SENP5: variants seen among roughly 807,000 people sequenced by gnomAD.
SENP5 encodes the protein sentrin-specific protease 5.
SENP5 carries 21 observed loss-of-function variants against 74.2 expected under a neutral mutation model. That is an observed-to-expected ratio of 0.28 (90% CI 0.20 to 0.41). The LOEUF (loss-of-function observed/expected upper bound fraction) is 0.41, where lower values mean the gene tolerates loss of function less well. Among genes scored for constraint, SENP5 ranks in the 10% least tolerant of loss-of-function variants. The probability of loss-of-function intolerance (pLI) is 1.00; values close to 1 mark genes in which losing one functional copy is unlikely to be tolerated. For synonymous variants in SENP5, 311 were observed against 312.7 expected (o/e 0.99, Z 0.06); for missense variants, 717 against 889.1 (o/e 0.81, Z 2.46).
chr3:196,923,605 A>G (rs1715706031), intron 7 of SENP5, 54 bp downstream of exon 7: 2 of 1,236,976 alleles, frequency 1.6e-6, no homozygotes, highest in Non-Finnish European at 2.3e-6. Flanking sequence ...GCCAAATAGC[A>G]TCTTAGCTCT....
At chr3:196,884,585 C>T (rs1273810162) in intron 1 of SENP5, among the ~76,000 whole-genome samples, 6 of 151,668 alleles carry the variant, frequency 4.0e-5, no homozygotes, top group Admixed American at 3.9e-4. Flanking sequence ...TATAAGTTTT[C>T]TCTGGGGAAA....
At chr3:196,893,173 C>G (rs1714285784) in intron 2 of SENP5, among the ~76,000 whole-genome samples, 2 of 152,210 alleles carry the variant, frequency 1.3e-5, no homozygotes, top group South Asian at 4.1e-4. Context: ...CAGGGTTCCC[C>G]TTTCTCCACA....
chr3:196,929,933 G>A (rs541459393), intron 9 of SENP5, among the ~76,000 whole-genome samples: 2 of 150,644 alleles, frequency 1.3e-5, no homozygotes, highest in Admixed American at 6.6e-5. Flanking sequence ...TTATTAGTAA[G>A]CCACATTGGA....
chr3:196,914,197 G>C (rs116387609), intron 6 of SENP5: 218 of 152,202 alleles, frequency 1.4e-3, no homozygotes, highest in African/African-American at 4.9e-3. Context: ...TATGGTCTTT[G>C]ATTTATCTAC....
chr3:196,921,065 C>T (rs1482145901), intron 6 of SENP5, among the ~76,000 whole-genome samples: 1 of 152,116 alleles, frequency 6.6e-6, no homozygotes, highest in East Asian at 1.9e-4. Flanking sequence ...TTAAATATCC[C>T]TTATTCAAAA....
intron 6 of SENP5, among the ~76,000 whole-genome samples, chr3:196,916,826 CAT>C (rs1715397098): frequency 1.3e-5 from 2 of 151,252 alleles, no homozygotes. Context: ...CTGAGATTGA[CAT>C]ATTTTTTTAA....
At chr3:196,913,821 T>C (rs186286197) in intron 6 of SENP5, 8 of 151,900 alleles carry the variant, frequency 5.3e-5, no homozygotes, top group Admixed American at 5.2e-4. Flanking sequence ...GGCTAATTTT[T>C]GTATTTTTAG....
chr3:196,876,485 T>C (rs1713473609), intron 1 of SENP5, among the ~76,000 whole-genome samples: 1 of 142,224 alleles, frequency 7.0e-6, no homozygotes, highest in Admixed American at 7.4e-5. Flanking sequence ...GCCACTGCAC[T>C]CCAGCCTGGG....
intron 1 of SENP5, among the ~76,000 whole-genome samples, chr3:196,876,154 A>G (rs1050047630): frequency 6.6e-6 from 1 of 152,212 alleles, no homozygotes; most frequent in Non-Finnish European, 1.5e-5. Flanking sequence ...GAGGTTCCCA[A>G]ACTTTCTCTG....
rs1577854525 is a variant in SENP5 at position 196,931,699 on chromosome 3, G to A, written c.*776G>A. ...GATATTGAATTCCCTGAATTTTTCT[G>A]TTTTCGACCTGTTAAAAAAATCTTA... On this transcript the variant is annotated 3_prime_UTR_variant, in exon 10 of 10. Coordinates refer to ENST00000323460, the MANE Select transcript of SENP5 (RefSeq NM_152699.5). The A allele has an allele frequency of 1.1e-5, 3 of 278,116 alleles. No individual in the cohort carries two copies. Among genetic ancestry groups the A allele is most frequent in the Non-Finnish European group, 2.1e-5 (3 of 140,926 alleles). 17.2% of individuals were successfully genotyped at this position (278,116 alleles called of 1,614,324 possible).
chr3:196,914,751 A>G (rs2108853248), intron 6 of SENP5, among the ~76,000 whole-genome samples: 1 of 151,658 alleles, frequency 6.6e-6, no homozygotes, highest in East Asian at 1.9e-4. Context: ...ACAACTATCC[A>G]TGCAACAAAA....
intron 2 of SENP5, among the ~76,000 whole-genome samples, chr3:196,891,879 C>T (rs1714217126): frequency 6.6e-6 from 1 of 151,570 alleles, no homozygotes; most frequent in Non-Finnish European, 1.5e-5. Context: ...CAACCTCTGC[C>T]TTCTGGGTTC....
At chr3:196,925,571 G>C (rs1560161881) in intron 7 of SENP5, among the ~76,000 whole-genome samples, 2 of 152,220 alleles carry the variant, frequency 1.3e-5, no homozygotes, top group Non-Finnish European at 2.9e-5. Context: ...TTTCAAGTAG[G>C]AACTATTTAC....
intron 6 of SENP5, among the ~76,000 whole-genome samples, chr3:196,907,621 CTAAAT>C (rs1714957337): frequency 6.6e-6 from 1 of 151,858 alleles, no homozygotes; most frequent in Non-Finnish European, 1.5e-5. Context: ...AAATAATAAA[CTAAAT>C]TATTCCTTCC....
At chr3:196,913,608 C>A in intron 6 of SENP5, among the ~76,000 whole-genome samples, 1 of 144,544 alleles carries the variant, frequency 6.9e-6, no homozygotes. Flanking sequence ...ACCCTGAACT[C>A]AGTAGAAGAC....
intron 6 of SENP5, among the ~76,000 whole-genome samples, chr3:196,910,819 A>T (rs527417074): frequency 6.6e-5 from 10 of 152,296 alleles, no homozygotes; most frequent in African/African-American, 2.2e-4. Context: ...CTAACTTCAA[A>T]CTATACTACA....
chr3:196,925,004 A>G (rs1176731356), intron 7 of SENP5, among the ~76,000 whole-genome samples: 1 of 152,226 alleles, frequency 6.6e-6, no homozygotes, highest in Non-Finnish European at 1.5e-5. Context: ...ATGATACGGT[A>G]TAGTACACAA....
intron 2 of SENP5, among the ~76,000 whole-genome samples, chr3:196,893,242 C>T (rs1225584184): frequency 6.6e-6 from 1 of 152,158 alleles, no homozygotes; most frequent in South Asian, 2.1e-4. Context: ...GTTGTTTGAG[C>T]AGGAGACCAT....
At chr3:196,888,358 G>C (rs762837977) in intron 2 of SENP5, among the ~76,000 whole-genome samples, 1 of 152,034 alleles carries the variant, frequency 6.6e-6, no homozygotes, top group Non-Finnish European at 1.5e-5. Flanking sequence ...CGAGGTGGGC[G>C]GATCACCTGA....
Sources: allele counts gnomAD v4.1 joint callset (sites outside exome capture counted in the v4.1 genomes callset), GRCh38; gene constraint gnomAD v4.1.1; transcripts MANE v1.5; gene names NCBI Gene and HGNC (gene_info 2026-07-23, HGNC 2026-07-21).